Variants in PPHLN1 observed in about 807,000 individuals in gnomAD.
The protein encoded by PPHLN1 is periphilin-1.
In PPHLN1, 29 loss-of-function variants were observed where a neutral mutation model predicts 51.3. The observed-to-expected ratio is 0.57, with a 90% CI of 0.42 to 0.77. The LOEUF (loss-of-function observed/expected upper bound fraction) is 0.77. Among genes scored for constraint, PPHLN1 ranks in the 30% least tolerant of loss-of-function variants. The pLI, the probability that PPHLN1 is intolerant of heterozygous loss-of-function variation, is 0.00. For synonymous variants in PPHLN1, 147 were observed against 147.8 expected (o/e 0.99, Z 0.04); for missense variants, 436 against 438.4 (o/e 0.99, Z 0.05).
intron 1 of PPHLN1, among the ~76,000 whole-genome samples, chr12:42,329,057 A>G (rs890041426): frequency 2.0e-5 from 3 of 147,470 alleles, no homozygotes; most frequent in Non-Finnish European, 4.5e-5. Context: ...TTAACTAATT[A>G]TGTTCTAAAA....
At chr12:42,446,154 C>A (rs2083310495), downstream of PPHLN1, 3 of 1,600,348 alleles carry the variant, frequency 1.9e-6, no homozygotes, top group Middle Eastern at 1.7e-4. Context: ...ACGACAGGAG[C>A]CCCAGACATT....
chr12:42,337,517 A>G (rs1299264545), intron 2 of PPHLN1, among the ~76,000 whole-genome samples: 1 of 151,886 alleles, frequency 6.6e-6, no homozygotes, highest in African/African-American at 2.4e-5. Context: ...GCTGGTCTCG[A>G]ACTCCTGACC....
intron 7 of PPHLN1, among the ~76,000 whole-genome samples, chr12:42,389,150 A>G (rs1592646008): frequency 6.6e-6 from 1 of 152,106 alleles, no homozygotes; most frequent in Non-Finnish European, 1.5e-5. Flanking sequence ...AGGCAGGCGG[A>G]TCATGAGGTC....
intron 1 of PPHLN1, among the ~76,000 whole-genome samples, chr12:42,326,651 GGA>G (rs1227663804): frequency 1.3e-5 from 2 of 152,086 alleles, no homozygotes; most frequent in African/African-American, 2.4e-5. Flanking sequence ...GTCAACTTGG[GGA>G]GAGTTGGATT....
chr12:42,347,141 A>G (rs1592264960), intron 2 of PPHLN1: 2 of 152,200 alleles, frequency 1.3e-5, no homozygotes, highest in South Asian at 4.1e-4. Context: ...CCAATCAGCT[A>G]TTGGCTACTG....
At chr12:42,423,920 G>T (rs1307039847) in intron 9 of PPHLN1, among the ~76,000 whole-genome samples, 3 of 152,082 alleles carry the variant, frequency 2.0e-5, no homozygotes, top group African/African-American at 7.2e-5. Context: ...CAGGTGATCT[G>T]CCCACCTCGG....
downstream of PPHLN1, chr12:42,448,193 A>C (rs1431304109): frequency 2.0e-5 from 3 of 152,640 alleles, no homozygotes; most frequent in South Asian, 6.2e-4. Flanking sequence ...CACTTTGTTG[A>C]AATCCATTAA....
At chr12:42,408,580 T>G (rs1026317598) in intron 9 of PPHLN1, among the ~76,000 whole-genome samples, 18 of 152,208 alleles carry the variant, frequency 1.2e-4, no homozygotes, top group Admixed American at 2.6e-4. Flanking sequence ...GGGATCTGGC[T>G]TAAATCTCAG....
chr12:42,445,937 G>A (rs2140051661), downstream of PPHLN1: 2 of 1,456,566 alleles, frequency 1.4e-6, no homozygotes, highest in Non-Finnish European at 1.8e-6. Flanking sequence ...TTGCTAACAT[G>A]GGGAAGAGGA....
chr12:42,429,114 T>G (rs1372794383), intron 9 of PPHLN1, among the ~76,000 whole-genome samples: 1 of 152,228 alleles, frequency 6.6e-6, no homozygotes, highest in Non-Finnish European at 1.5e-5. Context: ...TAATTGCCTT[T>G]CATCCTGTGT....
intron 9 of PPHLN1, among the ~76,000 whole-genome samples, chr12:42,418,211 C>CTTTTTTTTT (rs60029170): frequency 1.0e-5 from 1 of 98,378 alleles, no homozygotes; most frequent in African/African-American, 4.2e-5. Context: ...TCCCGGCCCT[C>CTTTTTTTTT]TTTTTTTTTT....
At chr12:42,336,430 C>T (rs1193040319) in intron 2 of PPHLN1, among the ~76,000 whole-genome samples, 2 of 151,978 alleles carry the variant, frequency 1.3e-5, no homozygotes, top group Non-Finnish European at 2.9e-5. Context: ...TGTTAATATC[C>T]CTTGTTAGGA....
chr12:42,441,292 C>T (rs1180591330), intron 9 of PPHLN1, 23 bp from the exon 10 acceptor site: 5 of 1,582,818 alleles, frequency 3.2e-6, no homozygotes, highest in Non-Finnish European at 4.3e-6. Context: ...TCTCAGCTAA[C>T]CAGAATGTGT....
At chr12:42,359,056 G>T (rs565490858) in intron 4 of PPHLN1, among the ~76,000 whole-genome samples, 1 of 151,996 alleles carries the variant, frequency 6.6e-6, no homozygotes, top group Admixed American at 6.5e-5. Flanking sequence ...TTTAAGTAGT[G>T]CCATGACAGT....
intron 8 of PPHLN1, among the ~76,000 whole-genome samples, chr12:42,395,260 T>G (rs894260423): frequency 3.3e-5 from 5 of 152,102 alleles, no homozygotes; most frequent in Non-Finnish European, 7.4e-5. Flanking sequence ...AGTTGAGTCA[T>G]AGGTCAGACG....
chr12:42,411,383 A>G lies in PPHLN1; in HGVS notation c.909+12389A>G, dbSNP rs199534026. 1.7e-3 allele frequency among the ~76,000 whole-genome samples: 128 copies of G among 76,566 alleles called. 1 individual carries two copies. In the East Asian group the frequency reaches 0.036, roughly 21 times the overall value. 50.2% of individuals were successfully genotyped at this position (76,566 alleles called of 152,430 possible). ...CACTACAGCAGTTACTACTGTTACTACTTGAGACTGTCATTACAGCAGTTA... is the reference window on the plus strand; with the variant it reads ...CACTACAGCAGTTACTACTGTTACTGCTTGAGACTGTCATTACAGCAGTTA... On this transcript the variant is annotated intron_variant, in intron 9 of 9. Transcript: ENST00000358314.
In PPHLN1 at chr12:42,416,534, C is replaced by A. The variant is rs551735066; in HGVS notation, c.909+17540C>A. 2.6e-5 allele frequency among the ~76,000 whole-genome samples: 4 copies of A among 152,300 alleles called. No homozygotes were observed. In the South Asian group the frequency reaches 8.3e-4, roughly 32 times the overall value. On this transcript the variant is annotated intron_variant, in intron 9 of 9. Transcript: ENST00000358314. ...GCACTTCTGTCAATTGGCTACAAAT[C>A]CAGGGTTTTCCATGACCCTGTAAGA...
At chr12:42,401,104 A>T (rs1323672644) in intron 9 of PPHLN1, among the ~76,000 whole-genome samples, 1 of 152,168 alleles carries the variant, frequency 6.6e-6, no homozygotes, top group Admixed American at 6.5e-5. Flanking sequence ...TTTGCAGAGA[A>T]TCTTAATTTC....
intron 5 of PPHLN1, among the ~76,000 whole-genome samples, chr12:42,383,581 G>A (rs887448703): frequency 3.9e-5 from 6 of 152,160 alleles, no homozygotes; most frequent in Non-Finnish European, 8.8e-5. Context: ...AGTTGCTATA[G>A]GTGAACTAAG....
Sources: allele counts gnomAD v4.1 joint callset (sites outside exome capture counted in the v4.1 genomes callset), GRCh38; gene constraint gnomAD v4.1.1; transcripts MANE v1.5; gene names NCBI Gene and HGNC (gene_info 2026-07-23, HGNC 2026-07-21).